The following SGK2 variants were observed in gnomAD, a reference collection of about 807,000 sequenced individuals.
The protein encoded by SGK2 is serine/threonine-protein kinase Sgk2.
SGK2 carries 36 observed loss-of-function variants against 47.5 expected under a neutral mutation model. The observed-to-expected ratio is 0.76, with a 90% CI of 0.58 to 1.00. The LOEUF (loss-of-function observed/expected upper bound fraction) is 1.00. Ranked by LOEUF, SGK2 falls within the 50% of genes least tolerant of loss-of-function variation. The probability of loss-of-function intolerance (pLI) is 0.00; values close to 1 mark genes in which losing one functional copy is unlikely to be tolerated. For synonymous variants in SGK2, 157 were observed against 181.9 expected (o/e 0.86, Z 1.10); for missense variants, 404 against 467.4 (o/e 0.86, Z 1.25).
In SGK2 at chr20:43,571,066, T is replaced by TGGGTGGGTGG. The variant is rs376000344; in HGVS notation, c.510+7_510+8insGGTGGGTGGG. On this transcript the variant is annotated splice_region_variant and intron_variant, in intron 8 of 12. Transcript: ENST00000373100. ...ACATTCTCTTGGACTGCCAGGTTGG[T>TGGGTGGGTGG]GTGTGTGTGTGTGTGTGTGTGTGTG... is the stretch of plus-strand genomic sequence containing the variant. 4.8e-5 allele frequency: 3 copies of TGGGTGGGTGG among 62,176 alleles called. No homozygotes were observed. The highest frequency in any genetic ancestry group is 1.4e-4 in the African/African-American group (2 of 14,178). The allele number at this position is 62,176 out of a possible 1,614,324, so 3.9% of individuals were successfully genotyped here.
At chr20:43,568,069 A>G (rs899057053) in intron 5 of SGK2, 70 bp downstream of exon 5, 17 of 1,303,080 alleles carry the variant, frequency 1.3e-5, no homozygotes, top group Non-Finnish European at 1.7e-5. Context: ...GCTTTCAAAG[A>G]TGGGTCCCAC....
At chr20:43,577,326 G>A (rs1160514504) in intron 11 of SGK2, among the ~76,000 whole-genome samples, 1 of 151,266 alleles carries the variant, frequency 6.6e-6, no homozygotes, top group Non-Finnish European at 1.5e-5. Flanking sequence ...TCTTTGCGGA[G>A]AGTGGACTGC....
chr20:43,567,549 T>TGGAA (rs1348529548), intron 3 of SGK2, 116 bp from the exon 4 acceptor site: 14 of 934,492 alleles, frequency 1.5e-5, no homozygotes, highest in Non-Finnish European at 2.2e-5. Flanking sequence ...GCATGGCTCC[T>TGGAA]GGAAGGCTCT....
chr20:43,569,477 G>T lies in SGK2; in HGVS notation c.321G>T (p.Glu107Asp). 6.2e-7 allele frequency: 1 copy of T among 1,613,766 alleles called. No individual in the cohort carries two copies. Among genetic ancestry groups the T allele is most frequent in the South Asian group, 1.1e-5 (1 of 91,068 alleles). Residue 107 changes from glutamate (E) to aspartate (D), a missense_variant, in exon 6 of 13, where the codon GAG becomes GAT. Transcript: ENST00000373100. ...VGLRYSFQTP[E>D]KLYFVLDYVN... ...TGCGCTACTCCTTCCAGACACCTGA[G>T]AAGCTCTACTTCGTGCTCGACTATG... is the stretch of plus-strand genomic sequence containing the variant.
At chr20:43,577,647 C>CTT in intron 11 of SGK2, among the ~76,000 whole-genome samples, 1 of 142,604 alleles carries the variant, frequency 7.0e-6, no homozygotes, top group South Asian at 2.3e-4. Flanking sequence ...CCATGCTTGG[C>CTT]CTTTTTTTTT....
At chr20:43,564,189 T>G (rs1357004478) in intron 1 of SGK2, among the ~76,000 whole-genome samples, 3 of 152,226 alleles carry the variant, frequency 2.0e-5, no homozygotes, top group Non-Finnish European at 4.4e-5. Flanking sequence ...TCTGGGACCG[T>G]TTCTTACGCA....
intron 11 of SGK2, 88 bp from the exon 12 acceptor site, chr20:43,579,884 T>G: frequency 2.4e-6 from 2 of 825,548 alleles, no homozygotes; most frequent in Non-Finnish European, 4.3e-6. Flanking sequence ...CAGTTGCTTG[T>G]GGAGCTCTGG....
intron 1 of SGK2, 97 bp from the exon 2 acceptor site, chr20:43,566,376 G>A: frequency 1.2e-6 from 2 of 1,614,170 alleles, no homozygotes; most frequent in Non-Finnish European, 1.7e-6. Context: ...CACAGGTAGG[G>A]GAGGATGGAG....
chr20:43,581,851 C>A (rs1010110715), intron 12 of SGK2, among the ~76,000 whole-genome samples: 31 of 151,994 alleles, frequency 2.0e-4, no homozygotes, highest in African/African-American at 6.3e-4. Context: ...TTGATTCACA[C>A]CACCTTTTCA....
intron 10 of SGK2, among the ~76,000 whole-genome samples, chr20:43,575,414 C>G (rs1442628984): frequency 7.1e-6 from 1 of 140,822 alleles, no homozygotes; most frequent in Non-Finnish European, 1.5e-5. Context: ...CAGTGAACCG[C>G]GGTCGCACCA....
Position 43,561,810 on chromosome 20 carries a change from G to C in SGK2, c.-24+2651G>C, listed in dbSNP as rs117337343. ...CTTTTCATAGAGAAAGATTGTAGTG[G>C]GTAAATGGAGAAGCAGGGGTCAGTG... On this transcript the variant is annotated intron_variant, in intron 1 of 12. Coordinates refer to ENST00000373100, the MANE Select transcript of SGK2 (RefSeq NM_170693.3). Among the ~76,000 whole-genome samples the C allele has an allele frequency of 5.3e-5, 8 of 149,832 alleles. No individual in the cohort carries two copies. The East Asian group carries it at 1.4e-3, about 26-fold the overall frequency.
chr20:43,575,011 CAG>C lies in SGK2; in HGVS notation c.693+8_693+9del, dbSNP rs1181088439. ...CGAGATGCTCCATGGCCTGGTGAGTCAGGGGTAGCCATCTACAAGGGCCATCT... is the reference window on the plus strand; with the variant it reads ...CGAGATGCTCCATGGCCTGGTGAGTCGGGTAGCCATCTACAAGGGCCATCT... On this transcript the variant is annotated splice_region_variant and intron_variant, in intron 10 of 12. Coordinates refer to ENST00000373100, the MANE Select transcript of SGK2 (RefSeq NM_170693.3). 1 of 1,604,056 alleles carries C rather than the reference CAG, an allele frequency of 6.2e-7. No homozygotes were observed. The highest frequency in any genetic ancestry group is 1.3e-5 in the African/African-American group (1 of 74,758).
At chr20:43,560,392 G>A (rs1472669879) in intron 1 of SGK2, among the ~76,000 whole-genome samples, 1 of 151,742 alleles carries the variant, frequency 6.6e-6, no homozygotes, top group African/African-American at 2.4e-5. Context: ...CCAGCTATTT[G>A]GGAGGCTGAG....
At chr20:43,575,171 T>C (rs1445262614) in intron 10 of SGK2, among the ~76,000 whole-genome samples, 167 bp downstream of exon 10, 1 of 152,066 alleles carries the variant, frequency 6.6e-6, no homozygotes, top group Non-Finnish European at 1.5e-5. Flanking sequence ...TTTTCAATAA[T>C]GTTAGTTTAG....
intron 11 of SGK2, among the ~76,000 whole-genome samples, chr20:43,579,025 T>C (rs1980633989): frequency 1.9e-5 from 1 of 53,004 alleles, no homozygotes. Context: ...TTTTTTTTTT[T>C]TTTTTTTTTT....
Position 43,575,004 on chromosome 20 carries a change from G to A in SGK2, c.693G>A (p.Leu231=), listed in dbSNP as rs56150807. The A allele has an allele frequency of 3.8e-3, 6,093 of 1,610,156 alleles. 16 individuals are homozygous for A. Among genetic ancestry groups the A allele is most frequent in the Non-Finnish European group, 4.6e-3 (5,400 of 1,176,676 alleles). Residue 231 remains leucine (L), a splice_region_variant and synonymous_variant, in exon 10 of 13, where the codon CTG becomes CTA. Transcript: ENST00000373100. ...GAVLYEMLHG[L]PPFYSQDVSQ... ...TCCTCTACGAGATGCTCCATGGCCT[G>A]GTGAGTCAGGGGTAGCCATCTACAA... is the stretch of plus-strand genomic sequence containing the variant.
chr20:43,583,312 T>G, intron 12 of SGK2: 1 of 1,288,952 alleles, frequency 7.8e-7, no homozygotes, highest in Non-Finnish European at 1.0e-6. Context: ...TGAATGGACT[T>G]TAGAATGAGA....
chr20:43,562,891 G>GGGA (rs898594957), intron 1 of SGK2, among the ~76,000 whole-genome samples: 5 of 152,054 alleles, frequency 3.3e-5, no homozygotes, highest in African/African-American at 1.2e-4. Flanking sequence ...CCAACACTTT[G>GGGA]GGAGGCCGAG....
rs113248906 is a variant in SGK2, at chr20:43,583,358, C to G, written c.940-1494C>G. ...CTGGATTCCTGGTTTTGTCACCTACCATTTGTGAGGTCTTCAGTAAGTCTC... is the reference window on the plus strand; with the variant it reads ...CTGGATTCCTGGTTTTGTCACCTACGATTTGTGAGGTCTTCAGTAAGTCTC... On this transcript the variant is annotated intron_variant, in intron 12 of 12. Coordinates refer to ENST00000373100, the MANE Select transcript of SGK2 (RefSeq NM_170693.3). 1.4e-3 allele frequency: 1,782 copies of G among 1,277,752 alleles called. 23 individuals are homozygous for G. The African/African-American group carries it at 0.024, about 17-fold the overall frequency. 79.2% of individuals were successfully genotyped at this position (1,277,752 alleles called of 1,614,324 possible).
Sources: gnomAD v4.1 joint callset for allele counts (sites outside exome capture counted in the v4.1 genomes callset) on GRCh38, gnomAD v4.1.1 for gene constraint, MANE v1.5 for transcripts, NCBI Gene and HGNC (gene_info 2026-07-23, HGNC 2026-07-21) for gene names.